Variants in RIN2 observed in about 807,000 individuals in gnomAD.
RIN2 encodes the protein RAB5 interacting protein 2.
In RIN2, 36 loss-of-function variants were observed where a neutral mutation model predicts 78.0. That is an observed-to-expected ratio of 0.46 (90% CI 0.35 to 0.61). The LOEUF (loss-of-function observed/expected upper bound fraction) is 0.61, where lower values mean the gene tolerates loss of function less well. Ranked by LOEUF, RIN2 falls within the 20% of genes least tolerant of loss-of-function variation. The pLI is 0.00. For synonymous variants in RIN2, 466 were observed against 466.8 expected (o/e 1.00, Z 0.02); for missense variants, 1,087 against 1,159.7 (o/e 0.94, Z 0.91).
intron 1 of RIN2, among the ~76,000 whole-genome samples, chr20:19,774,972 C>A (rs1423627757): frequency 2.0e-5 from 3 of 152,144 alleles, no homozygotes; most frequent in Admixed American, 1.3e-4. Context: ...TCAAGGATGG[C>A]CCATTACTGA....
chr20:19,972,768 A>G (rs182779251), intron 8 of RIN2, among the ~76,000 whole-genome samples: 12 of 152,354 alleles, frequency 7.9e-5, no homozygotes, highest in Non-Finnish European at 1.2e-4. Context: ...CTGTGACAGT[A>G]TAAGTCTAAG....
At chr20:19,844,686 C>CT (rs1491543395) in intron 2 of RIN2, among the ~76,000 whole-genome samples, 2 of 30,064 alleles carry the variant, frequency 6.7e-5, no homozygotes, top group African/African-American at 3.0e-4. Context: ...CTTCTTCTTC[C>CT]TCTTCCTCTT....
intron 4 of RIN2, among the ~76,000 whole-genome samples, chr20:19,953,432 C>CTTTTTT (rs140948656): frequency 1.3e-5 from 2 of 149,810 alleles, no homozygotes; most frequent in Middle Eastern, 3.4e-3. Context: ...CTGCACCTGG[C>CTTTTTT]TTTTCTTTTC....
At chr20:19,913,431 A>C (rs1219341935) in intron 3 of RIN2, among the ~76,000 whole-genome samples, 5 of 152,106 alleles carry the variant, frequency 3.3e-5, no homozygotes, top group African/African-American at 1.2e-4. Context: ...TACAGACATG[A>C]GCCACCATGC....
At chr20:19,884,001 A>G (rs561760975) in intron 2 of RIN2, among the ~76,000 whole-genome samples, 34 of 150,874 alleles carry the variant, frequency 2.3e-4, no homozygotes, top group African/African-American at 7.3e-4. Flanking sequence ...GGGTTTCACT[A>G]TATTGTCCAG....
chr20:19,787,097 G>A (rs1202613401), intron 1 of RIN2, among the ~76,000 whole-genome samples: 1 of 152,074 alleles, frequency 6.6e-6, no homozygotes, highest in Non-Finnish European at 1.5e-5. Context: ...TCTATGGTGA[G>A]CAAACATATT....
chr20:19,854,752 G>T (rs957472295), intron 2 of RIN2, among the ~76,000 whole-genome samples: 2 of 152,228 alleles, frequency 1.3e-5, no homozygotes, highest in Non-Finnish European at 2.9e-5. Context: ...CTTTGCTGAA[G>T]TTGCTGATCA....
intron 2 of RIN2, among the ~76,000 whole-genome samples, chr20:19,878,470 G>A (rs1274486296): frequency 6.6e-6 from 1 of 152,164 alleles, no homozygotes; most frequent in Admixed American, 6.5e-5. Flanking sequence ...CCCATGTTCA[G>A]GGACAAAACA....
chr20:19,913,679 A>G (rs533968272), intron 3 of RIN2, among the ~76,000 whole-genome samples: 38 of 152,210 alleles, frequency 2.5e-4, no homozygotes, highest in Non-Finnish European at 4.4e-4. Context: ...GGAATCATAC[A>G]GTGTTTGTCC....
chr20:19,983,534 T>G (rs916974102), intron 9 of RIN2, among the ~76,000 whole-genome samples: 1 of 125,014 alleles, frequency 8.0e-6, no homozygotes, highest in Non-Finnish European at 1.6e-5. Flanking sequence ...ACAATTTGAC[T>G]TCCCTACAAA....
At chr20:19,902,976 C>T (rs1291210325) in intron 3 of RIN2, among the ~76,000 whole-genome samples, 2 of 152,000 alleles carry the variant, frequency 1.3e-5, no homozygotes, top group African/African-American at 4.8e-5. Flanking sequence ...CCCTGTAGTC[C>T]CAGCTACTCG....
chr20:19,939,260 C>G (rs915937414), intron 4 of RIN2, among the ~76,000 whole-genome samples: 1 of 152,174 alleles, frequency 6.6e-6, no homozygotes, highest in Non-Finnish European at 1.5e-5. Context: ...GTTGGCCAGT[C>G]TGATCTCGAA....
intron 3 of RIN2, among the ~76,000 whole-genome samples, chr20:19,927,947 G>C (rs1050911589): frequency 6.6e-6 from 1 of 152,140 alleles, no homozygotes; most frequent in African/African-American, 2.4e-5. Flanking sequence ...CTGTAGCCCA[G>C]GCTGGAGTGC....
chr20:19,879,496 C>A (rs551767441), intron 2 of RIN2, among the ~76,000 whole-genome samples: 35 of 152,276 alleles, frequency 2.3e-4, no homozygotes, highest in African/African-American at 7.5e-4. Context: ...AATCCGTGGG[C>A]TTACAAGGAA....
intron 6 of RIN2, among the ~76,000 whole-genome samples, chr20:19,961,213 G>A (rs2041735105): frequency 6.6e-6 from 1 of 152,188 alleles, no homozygotes; most frequent in Non-Finnish European, 1.5e-5. Context: ...GCATGTGTCT[G>A]CACTTCTTCG....
intron 4 of RIN2, among the ~76,000 whole-genome samples, chr20:19,938,245 G>T (rs1433276544): frequency 2.0e-5 from 3 of 152,126 alleles, no homozygotes; most frequent in Admixed American, 1.3e-4. Context: ...TTGAGACAGA[G>T]TCTCACTCTG....
At chr20:19,862,588 G>A (rs183136281) in intron 2 of RIN2, among the ~76,000 whole-genome samples, 40 of 151,482 alleles carry the variant, frequency 2.6e-4, no homozygotes, top group Admixed American at 1.7e-3. Context: ...GTGAGACTCC[G>A]TCTCAAAACA....
chr20:19,857,819 C>CTAATAA (rs772800888), intron 2 of RIN2, among the ~76,000 whole-genome samples: 117 of 151,550 alleles, frequency 7.7e-4, no homozygotes, highest in South Asian at 1.5e-3. Context: ...GACCCTGTCT[C>CTAATAA]TAATAATAAT....
At chr20:19,894,124 C>G (rs925028351) in intron 3 of RIN2, among the ~76,000 whole-genome samples, 3 of 151,996 alleles carry the variant, frequency 2.0e-5, no homozygotes, top group Non-Finnish European at 2.9e-5. Context: ...GGGGTAACAC[C>G]CTACACATGG....
Sources: allele counts gnomAD v4.1 joint callset (sites outside exome capture counted in the v4.1 genomes callset), GRCh38; gene constraint gnomAD v4.1.1; transcripts MANE v1.5; gene names NCBI Gene and HGNC (gene_info 2026-07-23, HGNC 2026-07-21).